The following DOCK1 variants were observed in gnomAD, a reference collection of about 807,000 sequenced individuals.
The protein encoded by DOCK1 is dedicator of cytokinesis 1.
Under a neutral mutation model 262.7 loss-of-function variants are expected in DOCK1, and 138 were observed. The ratio of observed to expected loss-of-function variants is 0.53; its 90% CI spans 0.46 to 0.61. DOCK1 has a LOEUF of 0.61. Ranked by LOEUF, DOCK1 falls within the 20% of genes least tolerant of loss-of-function variation. DOCK1 has a pLI of 0.00. For missense variants in DOCK1, 1,908 were observed against 2,370.7 expected (o/e 0.80, Z 4.05); for synonymous variants, 866 against 867.4 (o/e 1.00, Z 0.03).
Position 127,447,553 on chromosome 10 carries a change from G to C in DOCK1, c.5565+8G>C, listed in dbSNP as rs149216249. ...CCCCCTCCACACCAGAGGGTAAGTC[G>C]GCAATCTGAAACACAGGCTTTCATT... On this transcript the variant is annotated splice_region_variant and intron_variant, in intron 51 of 51. Coordinates refer to ENST00000623213, the MANE Select transcript of DOCK1 (RefSeq NM_001290223.2). 2.4e-5 allele frequency: 38 copies of C among 1,613,040 alleles called. No homozygotes were observed. Among genetic ancestry groups the C allele is most frequent in the Non-Finnish European group, 3.0e-5 (35 of 1,179,474 alleles).
chr10:127,273,911 A>G (rs956890733), intron 29 of DOCK1, among the ~76,000 whole-genome samples: 1 of 151,900 alleles, frequency 6.6e-6, no homozygotes, highest in African/African-American at 2.4e-5. Context: ...TAGCCTGCAG[A>G]TGATTTGGAT....
chr10:127,351,440 A>G (rs1232616941), intron 31 of DOCK1, among the ~76,000 whole-genome samples: 1 of 152,202 alleles, frequency 6.6e-6, no homozygotes, highest in Non-Finnish European at 1.5e-5. Flanking sequence ...GCACTTTGAA[A>G]GATGTGACGC....
At chr10:127,290,790 C>A (rs2061323084) in intron 29 of DOCK1, among the ~76,000 whole-genome samples, 1 of 152,176 alleles carries the variant, frequency 6.6e-6, no homozygotes, top group African/African-American at 2.4e-5. Context: ...AGTAGTATCC[C>A]ATAATATGGA....
chr10:127,162,829 G>A (rs2053704287), intron 27 of DOCK1, among the ~76,000 whole-genome samples: 1 of 152,218 alleles, frequency 6.6e-6, no homozygotes, highest in South Asian at 2.1e-4. Context: ...TGCATGGCCT[G>A]TGCTGGGGAA....
In DOCK1 at chr10:127,028,390, G is replaced by A. The variant is rs187711271; in HGVS notation, c.1624+1966G>A. On this transcript the variant is annotated intron_variant, in intron 16 of 51. Coordinates refer to ENST00000623213, the MANE Select transcript of DOCK1 (RefSeq NM_001290223.2). ...TTCACTATGCTCTTATCATGTGCCC[G>A]ACACAAGAAGTTTATTGTGTTATTT... Among the ~76,000 whole-genome samples, 199 of 152,268 alleles carry A rather than the reference G, an allele frequency of 1.3e-3. 3 individuals carry two copies. The highest frequency in any genetic ancestry group is 6.8e-3 in the Middle Eastern group (2 of 294).
intron 15 of DOCK1, chr10:127,025,318 C>G (rs967541820): frequency 2.0e-5 from 3 of 152,256 alleles, no homozygotes; most frequent in Non-Finnish European, 2.9e-5. Context: ...TTAGAGGCAG[C>G]ATGTATTAGG....
intron 23 of DOCK1, among the ~76,000 whole-genome samples, chr10:127,070,343 T>C (rs992687863): frequency 2.5e-5 from 3 of 121,926 alleles, no homozygotes; most frequent in Non-Finnish European, 4.8e-5. Flanking sequence ...AACCTCCACC[T>C]CCCGGGTTCA....
At chr10:126,991,983 G>A (rs539618584) in intron 6 of DOCK1, among the ~76,000 whole-genome samples, 3 of 152,272 alleles carry the variant, frequency 2.0e-5, no homozygotes, top group Admixed American at 1.3e-4. Context: ...AAAGGAGTCC[G>A]GGTAAATCAA....
At chr10:127,336,745 T>C (rs1012378673) in intron 29 of DOCK1, among the ~76,000 whole-genome samples, 1 of 152,124 alleles carries the variant, frequency 6.6e-6, no homozygotes, top group African/African-American at 2.4e-5. Context: ...TTCACTGTGT[T>C]AGCCAGGATG....
chr10:127,431,425 T>C (rs561797823), intron 47 of DOCK1, among the ~76,000 whole-genome samples: 17 of 152,328 alleles, frequency 1.1e-4, no homozygotes, highest in African/African-American at 3.8e-4. Context: ...TTGAAATCCA[T>C]ACTCACACAT....
intron 33 of DOCK1, among the ~76,000 whole-genome samples, chr10:127,368,386 T>G (rs1267117586): frequency 6.6e-6 from 1 of 152,128 alleles, no homozygotes; most frequent in African/African-American, 2.4e-5. Flanking sequence ...CCCTGCTGCT[T>G]CTTCCTGTCC....
At chr10:127,331,577 C>T (rs570682208) in intron 29 of DOCK1, among the ~76,000 whole-genome samples, 4 of 152,284 alleles carry the variant, frequency 2.6e-5, no homozygotes, top group East Asian at 3.9e-4. Context: ...CCACGGCGCC[C>T]GGCCCGGATT....
Position 126,907,372 on chromosome 10 carries a change from G to A in DOCK1, c.46+1809G>A, listed in dbSNP as rs148118351. Reference sequence around the variant, plus strand: ...CAACTTAGGTGCCCATGGCCAGGGTGCAGTAGTGGCCATTGGGGGTGTAGT... The same window carrying A: ...CAACTTAGGTGCCCATGGCCAGGGTACAGTAGTGGCCATTGGGGGTGTAGT... On this transcript the variant is annotated intron_variant, in intron 1 of 51. Coordinates refer to ENST00000623213, the MANE Select transcript of DOCK1 (RefSeq NM_001290223.2). Among the ~76,000 whole-genome samples the A allele has an allele frequency of 9.8e-4, 149 of 152,292 alleles. 1 individual carries two copies. The highest frequency in any genetic ancestry group is 3.4e-3 in the African/African-American group (142 of 41,564).
intron 3 of DOCK1, 63 bp from the exon 4 acceptor site, chr10:126,981,855 T>G: frequency 6.5e-7 from 1 of 1,545,412 alleles, no homozygotes. Flanking sequence ...GGAACTATTG[T>G]TTGATTTACA....
intron 27 of DOCK1, chr10:127,135,597 C>T (rs969874564): frequency 6.6e-6 from 1 of 152,648 alleles, no homozygotes. Context: ...GAAGAATCAC[C>T]ATCTGTTAGT....
At chr10:127,398,632 G>A (rs2067054627) in intron 38 of DOCK1, among the ~76,000 whole-genome samples, 1 of 152,196 alleles carries the variant, frequency 6.6e-6, no homozygotes, top group Non-Finnish European at 1.5e-5. Context: ...AATAACTGCT[G>A]TGAAAAAACA....
At chr10:127,195,410 A>T (rs956240404) in intron 27 of DOCK1, among the ~76,000 whole-genome samples, 1 of 151,552 alleles carries the variant, frequency 6.6e-6, no homozygotes, top group African/African-American at 2.4e-5. Flanking sequence ...AGCCCCGGGA[A>T]GGTGCCAACC....
intron 30 of DOCK1, 107 bp downstream of exon 30, chr10:127,339,191 T>C: frequency 1.0e-6 from 1 of 1,001,512 alleles, no homozygotes; most frequent in Non-Finnish European, 1.5e-6. Context: ...TTAATTGGTC[T>C]CCCATCCAAG....
At chr10:127,289,169 C>T (rs549536093) in intron 29 of DOCK1, among the ~76,000 whole-genome samples, 2 of 152,306 alleles carry the variant, frequency 1.3e-5, no homozygotes, top group East Asian at 3.9e-4. Context: ...CACGCACACA[C>T]AGATGCGTGC....
Sources: gnomAD v4.1 joint callset for allele counts (sites outside exome capture counted in the v4.1 genomes callset) on GRCh38, gnomAD v4.1.1 for gene constraint, MANE v1.5 for transcripts, NCBI Gene and HGNC (gene_info 2026-07-23, HGNC 2026-07-21) for gene names.